The following MDGA1 variants were observed in gnomAD, a reference collection of about 807,000 sequenced individuals.
MDGA1 encodes the protein MAM domain containing glycosylphosphatidylinositol anchor 1.
MDGA1 carries 54 observed loss-of-function variants against 101.5 expected under a neutral mutation model. The ratio of observed to expected loss-of-function variants is 0.53; its 90% CI spans 0.43 to 0.67. MDGA1 has a LOEUF of 0.67. MDGA1 is among the 30% of genes least tolerant of loss of function. The probability of loss-of-function intolerance (pLI) is 0.00; values close to 1 mark genes in which losing one functional copy is unlikely to be tolerated. For missense variants in MDGA1, 1,083 were observed against 1,323.8 expected, an observed-to-expected ratio of 0.82 and a Z score of 2.82; for synonymous variants, 533 against 558.3, an observed-to-expected ratio of 0.95 and a Z score of 0.64.
rs1187692607 is a variant in MDGA1, at chr6:37,696,683, G to A, written c.67+62C>T. On this transcript the variant is annotated intron_variant, in intron 1 of 16. Coordinates refer to ENST00000434837, the MANE Select transcript of MDGA1 (RefSeq NM_153487.4). This position sits in a 1 kb window ranked among gnomAD's most constrained non-coding sequence, Gnocchi z 5.6. ...ACCAAACCCCGGCAGCGCGCACTTT[G>A]CGCCTCTTGCAAAGTTTCCGCGCGA... The A allele has an allele frequency of 2.7e-6, 4 of 1,482,082 alleles. No homozygotes were observed. Among genetic ancestry groups the A allele is most frequent in the Middle Eastern group, 1.7e-4 (1 of 5,822 alleles). 91.8% of individuals were successfully genotyped at this position (1,482,082 alleles called of 1,614,324 possible). A position where few individuals can be genotyped will look rare whatever the true frequency, so the allele number is the denominator to read the frequency against.
intron 1 of MDGA1, among the ~76,000 whole-genome samples, chr6:37,687,817 C>G (rs1019068687): frequency 3.9e-5 from 6 of 151,968 alleles, no homozygotes; most frequent in Non-Finnish European, 8.8e-5. Context: ...ACAAAAGGGC[C>G]ACATTTCAAA....
At chr6:37,689,736 A>C (rs1762270578) in intron 1 of MDGA1, among the ~76,000 whole-genome samples, 1 of 152,172 alleles carries the variant, frequency 6.6e-6, no homozygotes, top group African/African-American at 2.4e-5. Flanking sequence ...ACTGTGTGCC[A>C]AGTCTCCCAG....
intron 13 of MDGA1, 106 bp from the exon 14 acceptor site, chr6:37,644,049 C>T (rs909173031): frequency 3.3e-5 from 48 of 1,437,946 alleles, no homozygotes; most frequent in African/African-American, 1.3e-4. Context: ...TGAAGTGCCT[C>T]GCCCCACGCA....
chr6:37,695,942 T>TGGAAGGG (rs1206940526), intron 1 of MDGA1, among the ~76,000 whole-genome samples: 2 of 151,872 alleles, frequency 1.3e-5, no homozygotes, highest in African/African-American at 4.8e-5. Flanking sequence ...ACCCACAGGA[T>TGGAAGGG]GGAAGGGGGA....
rs375298384 is a variant in MDGA1 at position 37,644,502 on chromosome 6, G to T, written c.2396C>A (p.Pro799His). The T allele has an allele frequency of 1.3e-6, 2 of 1,577,844 alleles. No individual in the cohort carries two copies. The highest frequency in any genetic ancestry group is 1.8e-5 in the Admixed American group (1 of 56,178). ...TGPPTDISGT[P>H]EGYYMFIETS... Reference sequence around the variant, plus strand: ...GCAGCAGGCCAGGTCCTCACCCTCAGGGGTGCCACTTATGTCGGTGGGGGG... The same window carrying T: ...GCAGCAGGCCAGGTCCTCACCCTCATGGGTGCCACTTATGTCGGTGGGGGG... Residue 799 changes from proline to histidine, a missense_variant, in exon 13 of 17, where the codon CCT (proline) becomes CAT (histidine). By Grantham distance (77) the Pro-to-His change is moderately conservative (BLOSUM62 -2). This residue lies in a region of MDGA1 where 657 missense variants were observed against 771.4 expected (regional missense o/e 0.85). Transcript: ENST00000434837.
Position 37,635,074 on chromosome 6 carries a change from G to T in MDGA1, c.*2294C>A, listed in dbSNP as rs1345797628. 1 of 163,738 alleles carries T rather than the reference G, an allele frequency of 6.1e-6. No homozygotes were observed. Among genetic ancestry groups the T allele is most frequent in the Non-Finnish European group, 1.3e-5 (1 of 76,154 alleles). The allele number at this position is 163,738 out of a possible 1,614,324, so 10.1% of individuals were successfully genotyped here. A position where few individuals can be genotyped will look rare whatever the true frequency, so the allele number is the denominator to read the frequency against. The stretch of plus-strand genomic sequence containing the variant: ...AGAGGAAGCACCCAGGTGGTGCCAG[G>T]CCAGTGGTTCCTGCTGTCAGGAGAA... On this transcript the variant is annotated 3_prime_UTR_variant, in exon 17 of 17. Coordinates refer to ENST00000434837, the MANE Select transcript of MDGA1 (RefSeq NM_153487.4).
Position 37,690,718 on chromosome 6 carries a change from G to A in MDGA1, c.67+6027C>T, listed in dbSNP as rs1016033611. Reference sequence around the variant, plus strand: ...CTTGAACCTAGGAGGCAAAGGTTGCGGTGAGCCAAGATTGTGCCACTGCAC... The same window carrying A: ...CTTGAACCTAGGAGGCAAAGGTTGCAGTGAGCCAAGATTGTGCCACTGCAC... On this transcript the variant is annotated intron_variant, in intron 1 of 16. Coordinates refer to ENST00000434837, the MANE Select transcript of MDGA1 (RefSeq NM_153487.4). 1.2e-3 allele frequency among the ~76,000 whole-genome samples: 180 copies of A among 150,686 alleles called. 1 individual carries two copies. The highest frequency in any genetic ancestry group is 4.0e-3 in the African/African-American group (164 of 40,828).
At chr6:37,687,310 CTT>C (rs1762216491) in intron 1 of MDGA1, among the ~76,000 whole-genome samples, 3 of 151,286 alleles carry the variant, frequency 2.0e-5, no homozygotes, top group East Asian at 2.0e-4. Context: ...AATCCCAGCA[CTT>C]TGAGAGGCCA....
chr6:37,664,598 A>AAC (rs763900728), intron 1 of MDGA1, among the ~76,000 whole-genome samples: 1 of 45,670 alleles, frequency 2.2e-5, no homozygotes, highest in Non-Finnish European at 4.8e-5. Context: ...TCTCCCCCAC[A>AAC]ATACACACAC....
In MDGA1 at chr6:37,685,723, G is replaced by A. The variant is rs1344093257; in HGVS notation, c.67+11022C>T. Reference sequence around the variant, plus strand: ...ATGTGAACCGACAGTGTCGGGGGGCGCTGGCAGACGGGAAGCTGGTGGGAC... The same window carrying A: ...ATGTGAACCGACAGTGTCGGGGGGCACTGGCAGACGGGAAGCTGGTGGGAC... On this transcript the variant is annotated intron_variant, in intron 1 of 16. Transcript: ENST00000434837. Among the ~76,000 whole-genome samples the A allele has an allele frequency of 3.9e-5, 6 of 152,178 alleles. No individual in the cohort carries two copies. In the East Asian group the frequency reaches 5.8e-4, roughly 15 times the overall value.
intron 11 of MDGA1, 57 bp downstream of exon 11, chr6:37,646,141 A>G: frequency 6.4e-7 from 1 of 1,553,150 alleles, no homozygotes; most frequent in South Asian, 1.2e-5. Context: ...GGATGGTGAA[A>G]GGGGTCCCTG....
rs1228070212 is a variant in MDGA1, at chr6:37,649,008, G to A, written c.1868C>T (p.Ser623Leu). ...YECSVSNDVG[S>L]AACLFQVSAK... is the part of the protein sequence containing the mutation. ...GGAGACCTGGAAGAGGCAGGCAGCC[G>A]AGCCCACATCGTTGGAGACGCTGCA... Residue 623 changes from serine (S) to leucine (L), a missense_variant, in exon 9 of 17, where the codon TCG (serine) becomes TTG (leucine). Physicochemically the swap from Ser to Leu is moderately radical, Grantham distance 145 (BLOSUM62 -2). This residue lies in a region of MDGA1 where 657 missense variants were observed against 771.4 expected (regional missense o/e 0.85). Coordinates refer to ENST00000434837, the MANE Select transcript of MDGA1 (RefSeq NM_153487.4). 2.6e-6 allele frequency: 4 copies of A among 1,552,370 alleles called. No homozygotes were observed. The highest frequency in any genetic ancestry group is 2.5e-5 in the East Asian group (1 of 40,442).
At position 37,658,341 on chromosome 6, in the gene MDGA1, C is replaced by T. The variant is rs199521705; in HGVS notation, c.286G>A (p.Glu96Lys). 9 of 1,613,054 alleles carry T rather than the reference C, an allele frequency of 5.6e-6. No individual in the cohort carries two copies. Among genetic ancestry groups the T allele is most frequent in the South Asian group, 2.2e-5 (2 of 91,002 alleles). The part of the protein sequence containing the change: ...TSVFNETLRI[E>K]RIARTQGGRY... The stretch of plus-strand genomic sequence containing the variant: ...CCGCCCTGCGTGCGTGCAATACGCT[C>T]GATGCGCAGCGTCTCGTTGAACACC... The change falls in exon 3 of 17, where the codon GAG becomes AAG. Residue 96 changes from glutamate to lysine, a missense_variant. Glu to Lys is a moderately conservative substitution (Grantham distance 56). Around this residue, in one of 3 missense-constraint regions of MDGA1, gnomAD observed 310 missense variants for 355.9 expected, o/e 0.87. Coordinates refer to ENST00000434837, the MANE Select transcript of MDGA1 (RefSeq NM_153487.4).
intron 3 of MDGA1, among the ~76,000 whole-genome samples, chr6:37,657,580 G>A (rs2114037048): frequency 6.6e-6 from 1 of 152,324 alleles, no homozygotes; most frequent in Middle Eastern, 3.4e-3. Flanking sequence ...GTCCCACTTA[G>A]GGAGTGTGAG....
chr6:37,684,109 C>T (rs2395679), intron 1 of MDGA1, among the ~76,000 whole-genome samples: 3 of 152,074 alleles, frequency 2.0e-5, no homozygotes, highest in Admixed American at 6.5e-5. Flanking sequence ...CCTGTGCCAT[C>T]GGGAGAAGGC....
At chr6:37,694,317 T>C (rs1762373723) in intron 1 of MDGA1, among the ~76,000 whole-genome samples, 1 of 152,202 alleles carries the variant, frequency 6.6e-6, no homozygotes, top group South Asian at 2.1e-4. Flanking sequence ...AACCAAGTCC[T>C]AGAGAGACTT....
chr6:37,664,842 GACACACAC>G (rs35594367), intron 1 of MDGA1, among the ~76,000 whole-genome samples: 1,285 of 55,188 alleles, frequency 0.023, 21 homozygotes, highest in African/African-American at 0.063. Flanking sequence ...CCTAACCTAA[GACACACAC>G]ACACACACAC....
At chr6:37,666,401 G>A (rs1272585163) in intron 1 of MDGA1, among the ~76,000 whole-genome samples, 1 of 151,454 alleles carries the variant, frequency 6.6e-6, no homozygotes, top group East Asian at 1.9e-4. Context: ...AAATAAAGTT[G>A]TCTTCTCTGA....
chr6:37,674,302 G>A (rs1761932534), intron 1 of MDGA1, among the ~76,000 whole-genome samples: 1 of 152,232 alleles, frequency 6.6e-6, no homozygotes, highest in Non-Finnish European at 1.5e-5. Context: ...CAGCTGAAAG[G>A]ATCAGTGTGC....
Sources: gnomAD v4.1 joint callset for allele counts (sites outside exome capture counted in the v4.1 genomes callset) on GRCh38, gnomAD v4.1.1 for gene constraint, gnomAD v4.1.1 regional missense constraint, Gnocchi (gnomAD v3.1) non-coding constraint, MANE v1.5 for transcripts, NCBI Gene and HGNC (gene_info 2026-07-23, HGNC 2026-07-21) for gene names.